ASMTL: variants seen among roughly 807,000 people sequenced by gnomAD.
ASMTL encodes probable bifunctional dTTP/UTP pyrophosphatase/methyltransferase protein.
Under a neutral mutation model 60.3 loss-of-function variants are expected in ASMTL, and 57 were observed. The observed-to-expected ratio is 0.95, with a 90% CI of 0.76 to 1.18. The LOEUF (loss-of-function observed/expected upper bound fraction) is 1.18, where lower values mean the gene tolerates loss of function less well. Among genes scored for constraint, ASMTL ranks in the 50% most tolerant of loss-of-function variants. The pLI is 0.00. For missense variants in ASMTL, 981 were observed against 852.6 expected, an observed-to-expected ratio of 1.15 and a Z score of -1.88; for synonymous variants, 419 against 373.0, an observed-to-expected ratio of 1.12 and a Z score of -1.42.
In ASMTL at chrX:1,432,319, C is replaced by T. The variant is rs182623247; in HGVS notation, c.459G>A (p.Ser153=). The stretch of plus-strand genomic sequence containing the variant: ...CCCAGAGCAGCTCCTCGGACAGCTC[C>T]GAGAACTTCACCTTCGTTTCCTCGT... ...EFYEETKVKF[S]ELSEELLWEY... Residue 153 remains serine (S), a synonymous_variant, in exon 6 of 13, where the codon TCG becomes TCA. Coordinates refer to ENST00000381317, the MANE Select transcript of ASMTL (RefSeq NM_004192.4). 122 of 1,613,308 alleles carry T rather than the reference C, an allele frequency of 7.6e-5. No individual in the cohort carries two copies. The African/African-American group carries it at 1.4e-3, about 18-fold the overall frequency.
chrX:1,412,566 T>C, intron 12 of ASMTL, 166 bp downstream of exon 12: 3 of 329,024 alleles, frequency 9.1e-6, no homozygotes, highest in Non-Finnish European at 1.3e-5. Flanking sequence ...TTTCACCACG[T>C]TGGCCAGGCT....
intron 3 of ASMTL, among the ~76,000 whole-genome samples, chrX:1,436,683 T>G (rs1296455506): frequency 6.6e-6 from 1 of 152,122 alleles, no homozygotes; most frequent in African/African-American, 2.4e-5. Flanking sequence ...TGCATAATAT[T>G]CCACTGTGTG....
chrX:1,447,183 C>T (rs1411487986), intron 1 of ASMTL, among the ~76,000 whole-genome samples: 1 of 152,226 alleles, frequency 6.6e-6, no homozygotes, highest in Admixed American at 6.5e-5. Context: ...CCACCTCCCT[C>T]AGCAGGAAGT....
chrX:1,407,461 A>G (rs2089906651), intron 12 of ASMTL, among the ~76,000 whole-genome samples: 1 of 150,968 alleles, frequency 6.6e-6, no homozygotes, highest in Non-Finnish European at 1.5e-5. Flanking sequence ...ATAGGTAGAT[A>G]GATGAATAGA....
chrX:1,411,240 G>GGA (rs113514724), intron 12 of ASMTL, among the ~76,000 whole-genome samples: 147,430 of 152,068 alleles, frequency 0.97, 71,647 homozygotes, highest in East Asian at 1. Flanking sequence ...AGAGACAGAG[G>GGA]GAGAGAAGAA....
chrX:1,424,037 TCCAC>T (rs1165360500), intron 8 of ASMTL, among the ~76,000 whole-genome samples: 1 of 142,108 alleles, frequency 7.0e-6, no homozygotes, highest in Non-Finnish European at 1.5e-5. Flanking sequence ...CATCCATCCA[TCCAC>T]CCACCCACCT....
chrX:1,434,794 C>CAA (rs35102054), intron 5 of ASMTL, among the ~76,000 whole-genome samples: 8 of 117,556 alleles, frequency 6.8e-5, no homozygotes, highest in African/African-American at 1.6e-4. Flanking sequence ...GACTCCATCT[C>CAA]AAAAAAAAAA....
chrX:1,415,115 A>T lies in ASMTL; in HGVS notation c.1523-2261T>A, dbSNP rs2090189365. Reference sequence around the variant, plus strand: ...GCCACCATGCCTGGCTAATTTCTGTAATTTTAGTAGAGATGGGGTTTCACC... The same window carrying T: ...GCCACCATGCCTGGCTAATTTCTGTTATTTTAGTAGAGATGGGGTTTCACC... On this transcript the variant is annotated intron_variant, in intron 11 of 12. Transcript: ENST00000381317. Among the ~76,000 whole-genome samples the T allele has an allele frequency of 2.0e-5, 3 of 148,506 alleles. No homozygotes were observed. The South Asian group carries it at 6.5e-4, about 32-fold the overall frequency.
At chrX:1,407,036 GGGTA>G (rs1326111472) in intron 12 of ASMTL, among the ~76,000 whole-genome samples, 118 of 101,618 alleles carry the variant, frequency 1.2e-3, no homozygotes, top group African/African-American at 4.0e-3. Context: ...GGTAGATGAT[GGGTA>G]GGTAGATGGA....
In ASMTL at chrX:1,432,392, C is replaced by A. The variant is rs1181984473; in HGVS notation, c.401-15G>T. On this transcript the variant is annotated splice_polypyrimidine_tract_variant and intron_variant, in intron 5 of 12. Transcript: ENST00000381317. The stretch of plus-strand genomic sequence containing the variant: ...CAGCTGATGGTCTGCAAGGACACAG[C>A]CGTGGGGGTGAGCGTGGACGCCAGC... 1.2e-6 allele frequency: 2 copies of A among 1,604,146 alleles called. No individual in the cohort carries two copies. Among genetic ancestry groups the A allele is most frequent in the African/African-American group, 1.3e-5 (1 of 74,736 alleles).
At chrX:1,411,694 G>A (rs1247760708) in intron 12 of ASMTL, among the ~76,000 whole-genome samples, 2 of 147,848 alleles carry the variant, frequency 1.4e-5, no homozygotes, top group Admixed American at 6.8e-5. Flanking sequence ...ACCAGCCCAC[G>A]GCTTCCTCCT....
chrX:1,429,663 G>A (rs535216485), intron 6 of ASMTL, among the ~76,000 whole-genome samples: 7 of 152,060 alleles, frequency 4.6e-5, no homozygotes, highest in Middle Eastern at 3.4e-3. Context: ...CAGGCGTGGC[G>A]GTGGGTGCCT....
chrX:1,424,829 C>T lies in ASMTL; in HGVS notation c.1060+696G>A, dbSNP rs2090571036. ...ACCCACCCTTCCATTTATCCATCCA[C>T]CTCTCCATCCATCCATCTATCCATC... On this transcript the variant is annotated intron_variant, in intron 8 of 12. Transcript: ENST00000381317. Among the ~76,000 whole-genome samples, 3 of 134,088 alleles carry T rather than the reference C, an allele frequency of 2.2e-5. No homozygotes were observed. The South Asian group carries it at 8.5e-4, about 38-fold the overall frequency. The allele number at this position is 134,088 out of a possible 152,430, so 88.0% of individuals were successfully genotyped here. A position where few individuals can be genotyped will look rare whatever the true frequency, so the allele number is the denominator to read the frequency against.
intron 6 of ASMTL, among the ~76,000 whole-genome samples, chrX:1,429,615 T>C (rs2090712506): frequency 6.6e-6 from 1 of 152,016 alleles, no homozygotes; most frequent in African/African-American, 2.4e-5. Flanking sequence ...CTGGCCAACA[T>C]GGCAAAACCC....
chrX:1,418,440 A>G (rs1175438018), intron 10 of ASMTL, among the ~76,000 whole-genome samples: 2 of 150,984 alleles, frequency 1.3e-5, no homozygotes, highest in African/African-American at 4.9e-5. Context: ...GCACAGACCT[A>G]CAGGGAAATC....
chrX:1,420,005 C>G (rs2090432107), intron 9 of ASMTL, among the ~76,000 whole-genome samples: 1 of 145,420 alleles, frequency 6.9e-6, no homozygotes, highest in Admixed American at 7.2e-5. Context: ...TTTCTGTCTC[C>G]TGTCTCTGTT....
At chrX:1,407,638 C>T (rs1335764387) in intron 12 of ASMTL, among the ~76,000 whole-genome samples, 3 of 151,982 alleles carry the variant, frequency 2.0e-5, no homozygotes, top group African/African-American at 4.8e-5. Flanking sequence ...AATCGCAGCA[C>T]TTTGGGAGGC....
intron 6 of ASMTL, among the ~76,000 whole-genome samples, chrX:1,430,934 A>T (rs1313784818): frequency 1.4e-5 from 2 of 142,238 alleles, no homozygotes; most frequent in African/African-American, 5.2e-5. Context: ...TATATATTAT[A>T]TATAACTAAT....
At chrX:1,433,961 G>A (rs1212408422) in intron 5 of ASMTL, among the ~76,000 whole-genome samples, 4 of 152,182 alleles carry the variant, frequency 2.6e-5, no homozygotes, top group African/African-American at 4.8e-5. Context: ...AGCAGTGAGC[G>A]GCAGGTGGGT....
Sources: allele counts gnomAD v4.1 joint callset (sites outside exome capture counted in the v4.1 genomes callset), GRCh38; gene constraint gnomAD v4.1.1; transcripts MANE v1.5; gene names NCBI Gene and HGNC (gene_info 2026-07-23, HGNC 2026-07-21).